The following VWDE variants were observed in gnomAD, a reference collection of about 807,000 sequenced individuals.
VWDE encodes the protein von Willebrand factor D and EGF domain-containing protein.
Under a neutral mutation model 178.4 loss-of-function variants are expected in VWDE, and 207 were observed. The ratio of observed to expected loss-of-function variants is 1.16; its 90% CI spans 1.04 to 1.30. VWDE has a LOEUF of 1.30. VWDE is among the 50% of genes most tolerant of loss of function. The probability of loss-of-function intolerance (pLI) is 0.00; values close to 1 mark genes in which losing one functional copy is unlikely to be tolerated. For synonymous variants in VWDE, 738 were observed against 651.4 expected (o/e 1.13, Z -2.02); for missense variants, 2,287 against 1,901.3 (o/e 1.20, Z -3.77).
At chr7:12,394,932 GAT>G (rs1784554657) in intron 1 of VWDE, among the ~76,000 whole-genome samples, 1 of 152,046 alleles carries the variant, frequency 6.6e-6, no homozygotes, top group Non-Finnish European at 1.5e-5. Context: ...AAAAATCAGA[GAT>G]ACTAATTTAC....
chr7:12,395,416 A>G (rs1184729526), intron 1 of VWDE, among the ~76,000 whole-genome samples: 1 of 152,158 alleles, frequency 6.6e-6, no homozygotes, highest in Non-Finnish European at 1.5e-5. Flanking sequence ...AAAAAAATCA[A>G]TAACTCCATC....
chr7:12,367,562 C>A, intron 12 of VWDE, 69 bp from the exon 13 acceptor site: 3 of 1,281,726 alleles, frequency 2.3e-6, no homozygotes, highest in South Asian at 1.7e-5. Context: ...TAATTATTTC[C>A]AAGCCCCAAA....
intron 23 of VWDE, among the ~76,000 whole-genome samples, chr7:12,341,195 T>C (rs1375111820): frequency 6.6e-6 from 1 of 152,134 alleles, no homozygotes; most frequent in African/African-American, 2.4e-5. Context: ...AGGGCAAAAA[T>C]CAAGTGGATC....
chr7:12,392,238 T>C (rs1254991222), intron 2 of VWDE, among the ~76,000 whole-genome samples: 1 of 152,218 alleles, frequency 6.6e-6, no homozygotes, highest in Non-Finnish European at 1.5e-5. Flanking sequence ...CTAGTGAGTT[T>C]ACATATGCAA....
At chr7:12,336,595 C>T (rs1781046590) in intron 26 of VWDE, among the ~76,000 whole-genome samples, 1 of 152,110 alleles carries the variant, frequency 6.6e-6, no homozygotes, top group Admixed American at 6.5e-5. Context: ...ATAAAGACAG[C>T]CACCCTCAGG....
chr7:12,366,876 G>T (rs1406443851), intron 13 of VWDE, among the ~76,000 whole-genome samples: 3 of 152,108 alleles, frequency 2.0e-5, no homozygotes, highest in African/African-American at 7.2e-5. Context: ...GATCATGTCT[G>T]TTTCTGTGGC....
At chr7:12,358,951 A>T (rs1782422776) in intron 16 of VWDE, among the ~76,000 whole-genome samples, 1 of 152,232 alleles carries the variant, frequency 6.6e-6, no homozygotes, top group African/African-American at 2.4e-5. Flanking sequence ...ATTACACAGC[A>T]TTGTATAAAT....
intron 1 of VWDE, among the ~76,000 whole-genome samples, chr7:12,399,564 C>T (rs551780925): frequency 3.3e-5 from 5 of 152,256 alleles, no homozygotes; most frequent in African/African-American, 1.2e-4. Context: ...TATAAACCAA[C>T]TTGACCTAGC....
chr7:12,379,981 C>T (rs1783754729), intron 5 of VWDE, among the ~76,000 whole-genome samples: 1 of 151,516 alleles, frequency 6.6e-6, no homozygotes, highest in African/African-American at 2.4e-5. Flanking sequence ...GCCTGTAGTC[C>T]CAGCTACTCA....
At chr7:12,374,935 T>G in intron 8 of VWDE, 75 bp downstream of exon 8, 1 of 1,412,146 alleles carries the variant, frequency 7.1e-7, no homozygotes, top group Non-Finnish European at 9.6e-7. Flanking sequence ...CATAAAAAGT[T>G]TATAAGACAT....
rs1783112692 is a variant in VWDE, at chr7:12,370,349, G to T, written c.1957C>A (p.Leu653Ile). The T allele has an allele frequency of 6.4e-7, 1 of 1,551,004 alleles. No homozygotes were observed. Among genetic ancestry groups the T allele is most frequent in the African/African-American group, 1.4e-5 (1 of 72,962 alleles). The change falls in exon 12 of 29, where the codon CTC becomes ATC. Residue 653 changes from leucine (L) to isoleucine (I), a missense_variant. Transcript: ENST00000275358. ...RSEIALGCKD[L>I]NHVSLSSLIP... Reference sequence around the variant, plus strand: ...AAAGAAGATAAGCTGACATGATTGAGGTCTTTGCAACCCAAGGCAATTTCT... The same window carrying T: ...AAAGAAGATAAGCTGACATGATTGATGTCTTTGCAACCCAAGGCAATTTCT...
chr7:12,391,149 T>C (rs1305958807), intron 2 of VWDE, among the ~76,000 whole-genome samples: 1 of 152,142 alleles, frequency 6.6e-6, no homozygotes, highest in East Asian at 1.9e-4. Context: ...CATTACGAAA[T>C]ATAAATAAGA....
rs553125376 is a variant in VWDE at position 12,401,309 on chromosome 7, T to C, written c.58+2350A>G. Among the ~76,000 whole-genome samples the C allele has an allele frequency of 2.0e-3, 305 of 152,114 alleles. 3 individuals carry two copies. The South Asian group carries it at 0.024, about 12-fold the overall frequency. ...ATATAGAAAATTCTAAGGAATCAAC[T>C]AAAAAAACTAAAGTATAGTAGCCCC... On this transcript the variant is annotated intron_variant, in intron 1 of 28. Transcript: ENST00000275358.
chr7:12,349,830 A>T (rs572889574), intron 19 of VWDE, among the ~76,000 whole-genome samples: 1 of 152,252 alleles, frequency 6.6e-6, no homozygotes, highest in East Asian at 1.9e-4. Flanking sequence ...GAGATGAGAA[A>T]AGTAAAATAG....
chr7:12,393,009 T>C (rs1280545825), intron 2 of VWDE, among the ~76,000 whole-genome samples: 1 of 152,150 alleles, frequency 6.6e-6, no homozygotes, highest in Non-Finnish European at 1.5e-5. Context: ...GTATTGAATG[T>C]CCTGCAGGTA....
chr7:12,362,125 T>C (rs985767705), intron 13 of VWDE, among the ~76,000 whole-genome samples: 2 of 151,482 alleles, frequency 1.3e-5, no homozygotes, highest in African/African-American at 4.9e-5. Flanking sequence ...AACTATGGAG[T>C]GGTTGGTGGC....
At chr7:12,370,613 G>A (rs1783130981) in intron 11 of VWDE, 43 bp downstream of exon 11, 1 of 1,541,970 alleles carries the variant, frequency 6.5e-7, no homozygotes, top group African/African-American at 1.4e-5. Context: ...CCCGTTTTAA[G>A]TCTAATATTA....
chr7:12,333,576 A>G lies in VWDE; in HGVS notation c.4655-8T>C. ...ATTTTGGGTTGCAAATTGCTGCAAT[A>G]CACAAATTTTTACAATGACCATCCT... On this transcript the variant is annotated splice_polypyrimidine_tract_variant and splice_region_variant and intron_variant, in intron 27 of 28. Transcript: ENST00000275358. The G allele has an allele frequency of 6.5e-7, 1 of 1,541,192 alleles. No individual in the cohort carries two copies. The highest frequency in any genetic ancestry group is 8.8e-7 in the Non-Finnish European group (1 of 1,137,588).
intron 13 of VWDE, among the ~76,000 whole-genome samples, chr7:12,364,835 T>A (rs1181475250): frequency 6.6e-6 from 1 of 151,988 alleles, no homozygotes; most frequent in Non-Finnish European, 1.5e-5. Context: ...ATTTATTAGT[T>A]AAAAAGGGAA....
Sources: gnomAD v4.1 joint callset for allele counts (sites outside exome capture counted in the v4.1 genomes callset) on GRCh38, gnomAD v4.1.1 for gene constraint, MANE v1.5 for transcripts, NCBI Gene and HGNC (gene_info 2026-07-23, HGNC 2026-07-21) for gene names.